Variants in INVS observed in about 807,000 individuals in gnomAD.
INVS encodes the protein inversion of embryo turning homolog.
Under a neutral mutation model 108.8 loss-of-function variants are expected in INVS, and 86 were observed. The ratio of observed to expected loss-of-function variants is 0.79; its 90% CI spans 0.66 to 0.95. The LOEUF (loss-of-function observed/expected upper bound fraction) is 0.95. Among genes scored for constraint, INVS ranks in the 40% least tolerant of loss-of-function variants. INVS has a pLI of 0.00. For missense variants in INVS, 1,169 were observed against 1,297.4 expected, an observed-to-expected ratio of 0.90 and a Z score of 1.52; for synonymous variants, 455 against 473.5, an observed-to-expected ratio of 0.96 and a Z score of 0.51.
chr9:100,272,986 T>G lies in INVS; in HGVS notation c.1694T>G (p.Val565Gly). The change falls in exon 12 of 17, where the codon GTC becomes GGC. Residue 565 changes from valine to glycine, a missense_variant. By Grantham distance (109) the Val-to-Gly change is moderately radical. Around this residue, in one of 3 missense-constraint regions of INVS, gnomAD observed 271 missense variants for 363.8 expected, o/e 0.74. Coordinates refer to ENST00000262457, the MANE Select transcript of INVS (RefSeq NM_014425.5). The stretch of plus-strand genomic sequence containing the variant: ...ATCGCCGCCTTCAAAATCCAAGCTG[T>G]CTACAAAGGGTACAAGGTCAGAAAA... ...QDIAAFKIQA[V>G]YKGYKVRKAF... 6.2e-7 allele frequency: 1 copy of G among 1,614,034 alleles called. No homozygotes were observed. Among genetic ancestry groups the G allele is most frequent in the South Asian group, 1.1e-5 (1 of 91,054 alleles).
intron 3 of INVS, among the ~76,000 whole-genome samples, chr9:100,218,915 A>G (rs1467053309): frequency 6.6e-6 from 1 of 152,188 alleles, no homozygotes; most frequent in Admixed American, 6.5e-5. Flanking sequence ...ATAATGGACT[A>G]GGAGCTGGGT....
At chr9:100,115,898 T>G (rs561212250) in intron 2 of INVS, among the ~76,000 whole-genome samples, 1 of 152,120 alleles carries the variant, frequency 6.6e-6, no homozygotes, top group Non-Finnish European at 1.5e-5. Flanking sequence ...TTGAACTAGT[T>G]TACAGTCCCA....
At chr9:100,124,410 G>A (rs1410508748) in intron 2 of INVS, among the ~76,000 whole-genome samples, 1 of 151,326 alleles carries the variant, frequency 6.6e-6, no homozygotes, top group East Asian at 1.9e-4. Flanking sequence ...TTCAATCATC[G>A]AAACATAACT....
At chr9:100,244,139 G>T (rs1421811336) in intron 7 of INVS, among the ~76,000 whole-genome samples, 1 of 151,902 alleles carries the variant, frequency 6.6e-6, no homozygotes, top group Non-Finnish European at 1.5e-5. Context: ...TTCCTACTCT[G>T]GTATCCAGAA....
At chr9:100,163,553 C>T (rs769093812) in intron 3 of INVS, among the ~76,000 whole-genome samples, 4 of 151,694 alleles carry the variant, frequency 2.6e-5, no homozygotes, top group South Asian at 2.1e-4. Context: ...AATAAACAAG[C>T]GAATACATTT....
chr9:100,159,879 G>C (rs546149551), intron 3 of INVS, among the ~76,000 whole-genome samples: 123 of 152,084 alleles, frequency 8.1e-4, no homozygotes, highest in Non-Finnish European at 1.5e-3. Flanking sequence ...TGTCAGAATG[G>C]ATGTTCTAGG....
At chr9:100,107,877 A>C (rs1181259802) in intron 2 of INVS, among the ~76,000 whole-genome samples, 2 of 152,218 alleles carry the variant, frequency 1.3e-5, no homozygotes. Flanking sequence ...TACTTGGCAC[A>C]TAAGAAATAT....
chr9:100,218,968 A>G (rs2118356235), intron 3 of INVS, among the ~76,000 whole-genome samples: 1 of 152,308 alleles, frequency 6.6e-6, no homozygotes, highest in East Asian at 1.9e-4. Flanking sequence ...AAGGAAAACA[A>G]AGCAAACAAA....
In INVS at chr9:100,240,203, C is replaced by T; in HGVS notation, c.759C>T (p.Asn253=). ...YESCNITSYD[N]LFRTPLHWAA... is the part of the protein sequence containing the mutation. ...GCTGCAATATAACGTCTTATGATAA[C>T]TTATTTCGAACCCCACTGCACTGGG... Residue 253 remains asparagine, a synonymous_variant, in exon 6 of 17, where the codon AAC becomes AAT. Transcript: ENST00000262457. The T allele has an allele frequency of 1.9e-6, 3 of 1,614,020 alleles. No individual in the cohort carries two copies. Among genetic ancestry groups the T allele is most frequent in the Non-Finnish European group, 1.7e-6 (2 of 1,179,950 alleles).
At chr9:100,116,570 G>T (rs1827537512) in intron 2 of INVS, among the ~76,000 whole-genome samples, 1 of 152,072 alleles carries the variant, frequency 6.6e-6, no homozygotes, top group South Asian at 2.1e-4. Context: ...TTATTTGGAT[G>T]AAATCTAATT....
In INVS at chr9:100,292,756, CAA is replaced by C. The variant is rs777723411; in HGVS notation, c.2501_2502del (p.Lys834SerfsTer26). The C allele has an allele frequency of 3.1e-6, 5 of 1,614,064 alleles. No individual in the cohort carries two copies. Among genetic ancestry groups the C allele is most frequent in the Non-Finnish European group, 4.2e-6 (5 of 1,180,034 alleles). ...CTCCCCACCATCGTACACCAAGAAA[CAA>C]AGTGACACAAGCCAAGCTCACAGGA... ...NPPHHRTPRN[K>X]VTQAKLTGGL... On this transcript the variant is annotated frameshift_variant, in exon 14 of 17. Coordinates refer to ENST00000262457, the MANE Select transcript of INVS (RefSeq NM_014425.5). LOFTEE classifies it high-confidence loss of function.
At chr9:100,255,109 GTTCT>G (rs1402426926) in intron 10 of INVS, among the ~76,000 whole-genome samples, 2 of 152,144 alleles carry the variant, frequency 1.3e-5, no homozygotes, top group African/African-American at 4.8e-5. Context: ...GTGGTTTGTA[GTTCT>G]CCTTGAAGAG....
At chr9:100,187,091 C>T (rs1564150089) in intron 3 of INVS, among the ~76,000 whole-genome samples, 4 of 152,010 alleles carry the variant, frequency 2.6e-5, no homozygotes, top group Admixed American at 2.6e-4. Context: ...TCCAGTTTTC[C>T]CAGCATCTTT....
At chr9:100,207,644 A>G (rs1192872670) in intron 3 of INVS, among the ~76,000 whole-genome samples, 2 of 152,196 alleles carry the variant, frequency 1.3e-5, no homozygotes, top group African/African-American at 4.8e-5. Flanking sequence ...AGTTAGATGT[A>G]TACTTAGATG....
chr9:100,129,767 C>T, intron 3 of INVS: 1 of 657,882 alleles, frequency 1.5e-6, no homozygotes, highest in Non-Finnish European at 2.8e-6. Context: ...TTCATCCTGG[C>T]CTTTTCCTTT....
chr9:100,182,118 G>T (rs562113079), intron 3 of INVS, among the ~76,000 whole-genome samples: 16 of 152,252 alleles, frequency 1.1e-4, no homozygotes, highest in African/African-American at 3.6e-4. Flanking sequence ...ATTAACTCAA[G>T]ATGGATTAAA....
At position 100,252,271 on chromosome 9, in the gene INVS, G is replaced by T. The variant is rs1832260236; in HGVS notation, c.1079-12G>T. 2 of 1,613,748 alleles carry T rather than the reference G, an allele frequency of 1.2e-6. No homozygotes were observed. The highest frequency in any genetic ancestry group is 1.3e-5 in the African/African-American group (1 of 74,922). Reference sequence around the variant, plus strand: ...TTGACTAGTTCATCACTTTCTGTTGGTTCCCTTTTAGCTTTGCATGCTGCT... The same window carrying T: ...TTGACTAGTTCATCACTTTCTGTTGTTTCCCTTTTAGCTTTGCATGCTGCT... On this transcript the variant is annotated splice_polypyrimidine_tract_variant and intron_variant, in intron 8 of 16. Coordinates refer to ENST00000262457, the MANE Select transcript of INVS (RefSeq NM_014425.5).
Position 100,240,101 on chromosome 9 carries a change from C to T in INVS, c.657C>T (p.Tyr219=), listed in dbSNP as rs1424949239. Residue 219 remains tyrosine, a synonymous_variant, in exon 6 of 17, where the codon TAC becomes TAT. Transcript: ENST00000262457. The stretch of plus-strand genomic sequence containing the variant: ...AGTCTTTACTGAACTGGCAAGACTA[C>T]GAGGGTCGAACTCCTCTTCACTTTG... The part of the protein sequence containing the change: ...PTESLLNWQD[Y]EGRTPLHFAV... 39 of 1,613,980 alleles carry T rather than the reference C, an allele frequency of 2.4e-5. No homozygotes were observed. Among genetic ancestry groups the T allele is most frequent in the Non-Finnish European group, 3.2e-5 (38 of 1,179,984 alleles).
intron 3 of INVS, among the ~76,000 whole-genome samples, chr9:100,164,015 A>G (rs1222162091): frequency 1.3e-5 from 2 of 152,240 alleles, no homozygotes; most frequent in African/African-American, 4.8e-5. Flanking sequence ...TGAAAGCAGA[A>G]GAGAGACTAA....
Sources: gnomAD v4.1 joint callset for allele counts (sites outside exome capture counted in the v4.1 genomes callset) on GRCh38, gnomAD v4.1.1 for gene constraint, gnomAD v4.1.1 regional missense constraint, MANE v1.5 for transcripts, NCBI Gene and HGNC (gene_info 2026-07-23, HGNC 2026-07-21) for gene names.